The following FUNDC2 variants were observed in gnomAD, a reference collection of about 807,000 sequenced individuals.
The protein encoded by FUNDC2 is FUN14 domain-containing protein 2.
In FUNDC2, 4 loss-of-function variants were observed where a neutral mutation model predicts 15.6. That is an observed-to-expected ratio of 0.26 (90% CI 0.13 to 0.59). The LOEUF (loss-of-function observed/expected upper bound fraction) is 0.59. Among genes scored for constraint, FUNDC2 ranks in the 20% least tolerant of loss-of-function variants. The probability of loss-of-function intolerance (pLI) is 0.90; values close to 1 mark genes in which losing one functional copy is unlikely to be tolerated. For missense variants in FUNDC2, 98 were observed against 149.7 expected (o/e 0.65, Z 1.80); for synonymous variants, 44 against 56.9 (o/e 0.77, Z 1.02).
intron 4 of FUNDC2, chrX:155,053,836 T>G (rs2073885747): frequency 6.6e-6 from 5 of 752,770 alleles, no homozygotes; most frequent in Non-Finnish European, 6.3e-6. Context: ...TGATCACACT[T>G]AGGAGAAAGA....
At position 155,055,904 on chromosome X, in the gene FUNDC2, A is replaced by G. The variant is rs954906503; in HGVS notation, c.*1232A>G. 2.7e-5 allele frequency: 3 copies of G among 112,384 alleles called. No individual in the cohort carries two copies. Among genetic ancestry groups the G allele is most frequent in the Non-Finnish European group, 5.6e-5 (3 of 53,295 alleles). 9.3% of individuals were successfully genotyped at this position (112,384 alleles called of 1,213,427 possible). On this transcript the variant is annotated 3_prime_UTR_variant, in exon 5 of 5. Coordinates refer to ENST00000369498, the MANE Select transcript of FUNDC2 (RefSeq NM_023934.4). ...CTTGTGAAATATGAGTGTGTTTCTA[A>G]GGCCATACATTTAAAAATGTTTGCA...
chrX:155,041,940 G>A (rs1288408857), intron 2 of FUNDC2, among the ~76,000 whole-genome samples: 10 of 106,693 alleles, frequency 9.4e-5, no homozygotes, highest in Non-Finnish European at 1.5e-4. Context: ...GTGGTGGCGG[G>A]CGCCTGTAGT....
intron 4 of FUNDC2, 100 bp downstream of exon 4, chrX:155,051,901 A>C: frequency 4.7e-6 from 4 of 855,729 alleles, no homozygotes; most frequent in Non-Finnish European, 6.5e-6. Flanking sequence ...GGGCTTAAGC[A>C]TTACAAAGAA....
chrX:155,037,720 A>G (rs2073835621), intron 2 of FUNDC2, among the ~76,000 whole-genome samples: 1 of 109,454 alleles, frequency 9.1e-6, no homozygotes, highest in Admixed American at 9.7e-5. Context: ...CTGACCTCAA[A>G]TGATCTGCCT....
At chrX:155,030,573 A>T (rs1229474535) in intron 1 of FUNDC2, among the ~76,000 whole-genome samples, 3 of 110,607 alleles carry the variant, frequency 2.7e-5, no homozygotes, top group African/African-American at 9.9e-5. Context: ...AATAGATTTT[A>T]GGGAAAGAAA....
At chrX:155,054,267 G>A (rs1351070979) in intron 4 of FUNDC2, 2 of 750,804 alleles carry the variant, frequency 2.7e-6, no homozygotes, top group Non-Finnish European at 3.1e-6. Context: ...TTACTCTTTC[G>A]CCATAACTGT....
At position 155,055,481 on chromosome X, in the gene FUNDC2, T is replaced by A. The variant is rs370293773; in HGVS notation, c.*809T>A. ...ATCTAGTTAGTATGAAATACAACAT[T>A]TAAACCGGAATTTTAAAGAAGTAGC... On this transcript the variant is annotated 3_prime_UTR_variant, in exon 5 of 5. Coordinates refer to ENST00000369498, the MANE Select transcript of FUNDC2 (RefSeq NM_023934.4). 9 of 289,284 alleles carry A rather than the reference T, an allele frequency of 3.1e-5. No individual in the cohort carries two copies. Among genetic ancestry groups the A allele is most frequent in the East Asian group, 2.9e-4 (6 of 20,713 alleles). 23.8% of individuals were successfully genotyped at this position (289,284 alleles called of 1,213,427 possible). A position where few individuals can be genotyped will look rare whatever the true frequency, so the allele number is the denominator to read the frequency against.
rs782661975 is a variant in FUNDC2 at position 155,060,204 on chromosome X, T to G, written c.*5532T>G. 3 of 112,601 alleles carry G rather than the reference T, an allele frequency of 2.7e-5. No individual in the cohort carries two copies. The East Asian group carries it at 8.3e-4, about 31-fold the overall frequency. The allele number at this position is 112,601 out of a possible 1,213,427, so 9.3% of individuals were successfully genotyped here. On this transcript the variant is annotated 3_prime_UTR_variant, in exon 5 of 5. Coordinates refer to ENST00000369498, the MANE Select transcript of FUNDC2 (RefSeq NM_023934.4). ...CACAGAAAAACAATCTATTTGATCA[T>G]GTAGTGATTCCTAATGTAAATCCTA...
chrX:155,037,018 G>A, intron 2 of FUNDC2, among the ~76,000 whole-genome samples: 1 of 111,518 alleles, frequency 9.0e-6, no homozygotes, highest in Non-Finnish European at 1.9e-5. Context: ...CACCCGATGA[G>A]ATTTTGACTG....
chrX:155,048,203 G>C (rs184712008), intron 3 of FUNDC2, among the ~76,000 whole-genome samples: 1 of 111,777 alleles, frequency 8.9e-6, no homozygotes, highest in Non-Finnish European at 1.9e-5. Context: ...TATTCAAGGG[G>C]TACAGGGACA....
In FUNDC2 at chrX:155,056,172, A is replaced by G. The variant is rs1383226677; in HGVS notation, c.*1500A>G. 1 of 111,970 alleles carries G rather than the reference A, an allele frequency of 8.9e-6. No individual in the cohort carries two copies. The highest frequency in any genetic ancestry group is 1.9e-5 in the Non-Finnish European group (1 of 53,192). 9.2% of individuals were successfully genotyped at this position (111,970 alleles called of 1,213,427 possible). On this transcript the variant is annotated 3_prime_UTR_variant, in exon 5 of 5. Transcript: ENST00000369498. Reference sequence around the variant, plus strand: ...TTATTATGGACGCTTTCAGGAATATATAAAAGTAGAGAATATAGTACAATA... The same window carrying G: ...TTATTATGGACGCTTTCAGGAATATGTAAAAGTAGAGAATATAGTACAATA...
chrX:155,027,285 G>T, intron 1 of FUNDC2: 1 of 296,072 alleles, frequency 3.4e-6, no homozygotes, highest in Non-Finnish European at 5.7e-6. Context: ...CCACCCTGGG[G>T]TGTCGTCTCC....
At chrX:155,051,622 A>G (rs1175033702) in intron 3 of FUNDC2, 48 bp from the exon 4 acceptor site, 1 of 1,184,451 alleles carries the variant, frequency 8.4e-7, no homozygotes, top group Non-Finnish European at 1.1e-6. Context: ...TAAAAGAAAT[A>G]ACAAATCTGT....
Position 155,054,727 on chromosome X carries a change from A to G in FUNDC2, c.*55A>G. 3.0e-6 allele frequency: 3 copies of G among 1,016,554 alleles called. No individual in the cohort carries two copies. The highest frequency in any genetic ancestry group is 4.2e-6 in the Non-Finnish European group (3 of 720,073). The allele number at this position is 1,016,554 out of a possible 1,213,427, so 83.8% of individuals were successfully genotyped here. ...GTTTTTTCCAGCCAGCAGCCTCTAC[A>G]CTCCATCATAGGACATCGAGTCCCT... On this transcript the variant is annotated 3_prime_UTR_variant, in exon 5 of 5. Coordinates refer to ENST00000369498, the MANE Select transcript of FUNDC2 (RefSeq NM_023934.4).
At chrX:155,027,585 T>A (rs1557288392) in intron 1 of FUNDC2, among the ~76,000 whole-genome samples, 1 of 112,057 alleles carries the variant, frequency 8.9e-6, no homozygotes, top group African/African-American at 3.2e-5. Flanking sequence ...TCTTACCCTA[T>A]TTTGAATGTT....
In FUNDC2 at chrX:155,057,728, T is replaced by G. The variant is rs2073912499; in HGVS notation, c.*3056T>G. On this transcript the variant is annotated 3_prime_UTR_variant, in exon 5 of 5. Coordinates refer to ENST00000369498, the MANE Select transcript of FUNDC2 (RefSeq NM_023934.4). ...CGTCCTCACCACTTTGAGCCACCCTTTGACCCAGCGTCTCTCCCGCAATGG... is the reference window on the plus strand; with the variant it reads ...CGTCCTCACCACTTTGAGCCACCCTGTGACCCAGCGTCTCTCCCGCAATGG... 1 of 111,714 alleles carries G rather than the reference T, an allele frequency of 9.0e-6. No individual in the cohort carries two copies. Among genetic ancestry groups the G allele is most frequent in the Non-Finnish European group, 1.9e-5 (1 of 53,111 alleles). The allele number at this position is 111,714 out of a possible 1,213,427, so 9.2% of individuals were successfully genotyped here. A position where few individuals can be genotyped will look rare whatever the true frequency, so the allele number is the denominator to read the frequency against.
At position 155,056,000 on chromosome X, in the gene FUNDC2, C is replaced by G. The variant is rs1324808955; in HGVS notation, c.*1328C>G. The G allele has an allele frequency of 1.8e-5, 2 of 112,103 alleles. No individual in the cohort carries two copies. The highest frequency in any genetic ancestry group is 6.5e-5 in the African/African-American group (2 of 30,817). 9.2% of individuals were successfully genotyped at this position (112,103 alleles called of 1,213,427 possible). On this transcript the variant is annotated 3_prime_UTR_variant, in exon 5 of 5. Transcript: ENST00000369498. Reference sequence around the variant, plus strand: ...CTACCAGTGGATGTGTGGAACTTTACAGAAACCACCTATTTGCGTTTTTCT... The same window carrying G: ...CTACCAGTGGATGTGTGGAACTTTAGAGAAACCACCTATTTGCGTTTTTCT...
chrX:155,030,846 C>T (rs1243173797), intron 1 of FUNDC2, among the ~76,000 whole-genome samples: 5 of 108,671 alleles, frequency 4.6e-5, no homozygotes, highest in Non-Finnish European at 9.6e-5. Flanking sequence ...CCACTATGCC[C>T]GGCTAATTTT....
At chrX:155,045,947 T>G (rs1557290002) in intron 2 of FUNDC2, among the ~76,000 whole-genome samples, 1 of 110,652 alleles carries the variant, frequency 9.0e-6, no homozygotes, top group Admixed American at 9.6e-5. Context: ...ATATGGACAT[T>G]TTGCATTCAA....
Sources: allele counts gnomAD v4.1 joint callset (sites outside exome capture counted in the v4.1 genomes callset), GRCh38; gene constraint gnomAD v4.1.1; transcripts MANE v1.5; gene names NCBI Gene and HGNC (gene_info 2026-07-23, HGNC 2026-07-21).